Variants in SFT2D1 observed in about 807,000 individuals in gnomAD.
The protein encoded by SFT2D1 is vesicle transport protein SFT2A.
SFT2D1 carries 24 observed loss-of-function variants against 28.1 expected under a neutral mutation model. The ratio of observed to expected loss-of-function variants is 0.85; its 90% CI spans 0.62 to 1.20. The LOEUF (loss-of-function observed/expected upper bound fraction) is 1.20. Ranked by LOEUF, SFT2D1 falls within the 50% of genes most tolerant of loss-of-function variation. The pLI, the probability that SFT2D1 is intolerant of heterozygous loss-of-function variation, is 0.00. For synonymous variants in SFT2D1, 82 were observed against 73.7 expected (o/e 1.11, Z -0.58); for missense variants, 181 against 190.9 (o/e 0.95, Z 0.31).
rs982930639 is a variant in SFT2D1 at position 166,330,072 on chromosome 6, T to C, written c.150+89A>G. On this transcript the variant is annotated intron_variant, in intron 2 of 7. Transcript: ENST00000361731. ...CCACCAAAATGGTCTAACAGGGATTTAGTAAAGGACATTAGTTTTTGGTAC... is the reference window on the plus strand; with the variant it reads ...CCACCAAAATGGTCTAACAGGGATTCAGTAAAGGACATTAGTTTTTGGTAC... 1.8e-4 allele frequency: 183 copies of C among 993,788 alleles called. 2 individuals carry two copies. Among genetic ancestry groups the C allele is most frequent in the Non-Finnish European group, 1.6e-4 (116 of 705,014 alleles). 61.6% of individuals were successfully genotyped at this position (993,788 alleles called of 1,614,324 possible).
At chr6:166,337,846 G>A (rs905251774) in intron 1 of SFT2D1, among the ~76,000 whole-genome samples, 3 of 152,054 alleles carry the variant, frequency 2.0e-5, no homozygotes, top group Admixed American at 6.6e-5. Context: ...TGAAATCCTC[G>A]ACCCCATGGT....
chr6:166,326,782 A>G (rs941683), intron 4 of SFT2D1, among the ~76,000 whole-genome samples: 34,969 of 152,178 alleles, frequency 0.23, 4,171 homozygotes, highest in East Asian at 0.34. Context: ...TATATGTTCA[A>G]ACGTTCCCAC....
intron 4 of SFT2D1, among the ~76,000 whole-genome samples, chr6:166,327,793 T>C (rs1042144963): frequency 1.9e-4 from 29 of 151,310 alleles, no homozygotes; most frequent in African/African-American, 2.5e-5. Context: ...TATAACCACA[T>C]AGGATATATT....
Position 166,319,974 on chromosome 6 carries a change from G to C in SFT2D1, c.*243C>G, listed in dbSNP as rs1041137494. 2 of 400,604 alleles carry C rather than the reference G, an allele frequency of 5.0e-6. No homozygotes were observed. Among genetic ancestry groups the C allele is most frequent in the Non-Finnish European group, 8.8e-6 (2 of 227,282 alleles). The allele number at this position is 400,604 out of a possible 1,614,324, so 24.8% of individuals were successfully genotyped here. A position where few individuals can be genotyped will look rare whatever the true frequency, so the allele number is the denominator to read the frequency against. ...AATTGGCTAAAAATAATTTACAACT[G>C]GCAGTGATTAAAAATCTTATCTTTG... On this transcript the variant is annotated 3_prime_UTR_variant, in exon 8 of 8. Coordinates refer to ENST00000361731, the MANE Select transcript of SFT2D1 (RefSeq NM_145169.3).
At chr6:166,330,703 G>A (rs1778533911) in intron 1 of SFT2D1, among the ~76,000 whole-genome samples, 1 of 152,256 alleles carries the variant, frequency 6.6e-6, no homozygotes, top group Non-Finnish European at 1.5e-5. Context: ...CTAGATGCCA[G>A]AGTCTGAGTG....
At position 166,324,794 on chromosome 6, in the gene SFT2D1, C is replaced by G. The variant is rs1778414664; in HGVS notation, c.352-199G>C. 5.8e-5 allele frequency: 32 copies of G among 554,622 alleles called. No homozygotes were observed. In the South Asian group the frequency reaches 7.8e-4, roughly 13 times the overall value. The allele number at this position is 554,622 out of a possible 1,614,324, so 34.4% of individuals were successfully genotyped here. ...ATACATTTCCTTTCTAAAACTATATCCATTAATTTAAATACTGCAAAATAT... is the reference window on the plus strand; with the variant it reads ...ATACATTTCCTTTCTAAAACTATATGCATTAATTTAAATACTGCAAAATAT... On this transcript the variant is annotated intron_variant, in intron 5 of 7. Transcript: ENST00000361731.
At chr6:166,326,463 TG>T (rs1778447000) in intron 4 of SFT2D1, among the ~76,000 whole-genome samples, 1 of 152,136 alleles carries the variant, frequency 6.6e-6, no homozygotes, top group African/African-American at 2.4e-5. Context: ...ATGCAAGAGG[TG>T]GGCAGTGTGG....
chr6:166,329,638 G>C, intron 2 of SFT2D1, 49 bp from the exon 3 acceptor site: 4 of 1,413,226 alleles, frequency 2.8e-6, no homozygotes, highest in Non-Finnish European at 3.9e-6. Context: ...TGATTTTAAT[G>C]GTTAAAATAT....
In SFT2D1 at chr6:166,338,243, C is replaced by T. The variant is rs537770408; in HGVS notation, c.63+4176G>A. Among the ~76,000 whole-genome samples the T allele has an allele frequency of 1.2e-4, 18 of 152,284 alleles. 1 individual carries two copies. The highest frequency in any genetic ancestry group is 5.8e-4 in the East Asian group (3 of 5,184). On this transcript the variant is annotated intron_variant, in intron 1 of 7. Coordinates refer to ENST00000361731, the MANE Select transcript of SFT2D1 (RefSeq NM_145169.3). The stretch of plus-strand genomic sequence containing the variant: ...GCATTATGTTCTTGTCATCTAACTC[C>T]CAACAATTACCTTATGCCAATGCCC...
intron 1 of SFT2D1, chr6:166,334,874 AG>A (rs1171952918): frequency 2.4e-6 from 1 of 419,678 alleles, no homozygotes; most frequent in Non-Finnish European, 4.6e-6. Context: ...CTCAAAGACG[AG>A]GTGCCCAACT....
At chr6:166,341,141 TTTAA>T (rs1443531696) in intron 1 of SFT2D1, among the ~76,000 whole-genome samples, 1 of 152,166 alleles carries the variant, frequency 6.6e-6, no homozygotes, top group African/African-American at 2.4e-5. Context: ...TTTATTTAAT[TTTAA>T]TTAATTTAAA....
intron 1 of SFT2D1, among the ~76,000 whole-genome samples, chr6:166,332,341 G>C (rs749061933): frequency 6.6e-6 from 1 of 152,030 alleles, no homozygotes; most frequent in Admixed American, 6.5e-5. Context: ...TGCAACCTCC[G>C]CCTCCCAGGT....
intron 7 of SFT2D1, among the ~76,000 whole-genome samples, chr6:166,321,727 A>G (rs1778362986): frequency 6.6e-6 from 1 of 152,208 alleles, no homozygotes; most frequent in African/African-American, 2.4e-5. Flanking sequence ...TTCTAAATCT[A>G]TCAGATTTAA....
intron 6 of SFT2D1, 159 bp downstream of exon 6, chr6:166,324,378 T>C: frequency 1.7e-6 from 1 of 591,192 alleles, no homozygotes; most frequent in Non-Finnish European, 3.0e-6. Flanking sequence ...CGCTGTCAAG[T>C]GCAACAGGAC....
chr6:166,341,905 A>G (rs1383045330), intron 1 of SFT2D1, among the ~76,000 whole-genome samples: 1 of 151,996 alleles, frequency 6.6e-6, no homozygotes, highest in African/African-American at 2.4e-5. Context: ...TTCACTTACC[A>G]ATGTCCTGTT....
intron 1 of SFT2D1, among the ~76,000 whole-genome samples, chr6:166,332,781 C>T (rs1470457164): frequency 6.6e-6 from 1 of 152,212 alleles, no homozygotes; most frequent in African/African-American, 2.4e-5. Context: ...CCCCTATTCC[C>T]GCCACAGTAA....
chr6:166,327,250 A>G (rs892518651), intron 4 of SFT2D1, among the ~76,000 whole-genome samples: 1 of 152,186 alleles, frequency 6.6e-6, no homozygotes, highest in Non-Finnish European at 1.5e-5. Context: ...AATCCACAAG[A>G]GACACAGACC....
chr6:166,328,446 C>T (rs902717295), intron 3 of SFT2D1, 89 bp from the exon 4 acceptor site: 2 of 734,668 alleles, frequency 2.7e-6, no homozygotes, highest in African/African-American at 1.9e-5. Flanking sequence ...AAAAGAAGCC[C>T]TGTTGCTTTA....
intron 1 of SFT2D1, chr6:166,335,282 G>A (rs555417730): frequency 1.5e-5 from 9 of 581,536 alleles, no homozygotes; most frequent in East Asian, 4.4e-5. Context: ...CAGCGGTGGC[G>A]GTGGATACAG....
Sources: allele counts gnomAD v4.1 joint callset (sites outside exome capture counted in the v4.1 genomes callset), GRCh38; gene constraint gnomAD v4.1.1; transcripts MANE v1.5; gene names NCBI Gene and HGNC (gene_info 2026-07-23, HGNC 2026-07-21).